TAF4: variants seen among roughly 807,000 people sequenced by gnomAD.
TAF4 encodes the protein transcription initiation factor TFIID subunit 4.
In TAF4, 9 loss-of-function variants were observed where a neutral mutation model predicts 90.3. The ratio of observed to expected loss-of-function variants is 0.10; its 90% CI spans 0.06 to 0.17. The LOEUF is 0.17. Ranked by LOEUF, TAF4 falls within the 10% of genes least tolerant of loss-of-function variation. The pLI, the probability that TAF4 is intolerant of heterozygous loss-of-function variation, is 1.00. For synonymous variants in TAF4, 818 were observed against 638.9 expected (o/e 1.28, Z -4.23); for missense variants, 1,351 against 1,370.7 (o/e 0.99, Z 0.23).
chr20:62,031,368 G>C (rs1358158813), intron 1 of TAF4, among the ~76,000 whole-genome samples: 1 of 152,208 alleles, frequency 6.6e-6, no homozygotes, highest in Non-Finnish European at 1.5e-5. Context: ...GCTGGGCCCA[G>C]GGTGCCTTCT....
Position 62,010,499 on chromosome 20 carries a change from T to C in TAF4, c.1642-334A>G, listed in dbSNP as rs534778623. 6.6e-6 allele frequency among the ~76,000 whole-genome samples: 1 copy of C among 152,134 alleles called. No homozygotes were observed. The highest frequency in any genetic ancestry group is 2.4e-5 in the African/African-American group (1 of 41,514). ...ACATAGAGACCAGAGTAAATAATCC[T>C]AACAGGCAACCCAGATCCCCATCTC... On this transcript the variant is annotated intron_variant, in intron 3 of 14. Coordinates refer to ENST00000252996, the MANE Select transcript of TAF4 (RefSeq NM_003185.4). The surrounding 1 kb of genome is among the most constrained non-coding windows in gnomAD (Gnocchi z 4.5).
At chr20:62,032,968 C>T (rs1372993895) in intron 1 of TAF4, among the ~76,000 whole-genome samples, 1 of 152,242 alleles carries the variant, frequency 6.6e-6, no homozygotes, top group South Asian at 2.1e-4. Flanking sequence ...ATCTGAGCAC[C>T]GAGACTGGCT....
chr20:62,053,569 G>A (rs954629448), intron 1 of TAF4, among the ~76,000 whole-genome samples: 8 of 152,176 alleles, frequency 5.3e-5, no homozygotes, highest in Admixed American at 2.0e-4. Context: ...CCTCACCTCC[G>A]CCCGTCCACG....
intron 14 of TAF4, among the ~76,000 whole-genome samples, chr20:61,992,827 G>A (rs556611310): frequency 1.3e-5 from 2 of 152,268 alleles, no homozygotes; most frequent in South Asian, 2.1e-4. Context: ...ACGTCCCAGC[G>A]TGACTCAGGA....
intron 1 of TAF4, among the ~76,000 whole-genome samples, chr20:62,054,145 T>C (rs2056047122): frequency 6.6e-6 from 1 of 152,218 alleles, no homozygotes; most frequent in South Asian, 2.1e-4. Context: ...TGTGCTTTAG[T>C]GGTTTTAAGT....
chr20:62,059,326 A>G (rs928538344), intron 1 of TAF4, among the ~76,000 whole-genome samples: 1 of 152,236 alleles, frequency 6.6e-6, no homozygotes, highest in Non-Finnish European at 1.5e-5. Context: ...AAAGCTGTAC[A>G]TCTTTGGTGC....
At chr20:62,042,493 G>C (rs994208591) in intron 1 of TAF4, among the ~76,000 whole-genome samples, 13 of 152,214 alleles carry the variant, frequency 8.5e-5, no homozygotes, top group Non-Finnish European at 1.3e-4. Context: ...TTAACACTTA[G>C]CCATCTGAGA....
At chr20:62,015,672 C>G (rs2055808324) in intron 1 of TAF4, among the ~76,000 whole-genome samples, 1 of 152,186 alleles carries the variant, frequency 6.6e-6, no homozygotes, top group African/African-American at 2.4e-5. Flanking sequence ...CCCAGCCTCT[C>G]CTTCCTCCCC....
intron 1 of TAF4, chr20:62,064,160 C>A: frequency 2.9e-6 from 1 of 349,222 alleles, no homozygotes; most frequent in African/African-American, 2.1e-5. Flanking sequence ...GACCACTCCA[C>A]TAAGAGTCCT....
intron 11 of TAF4, 68 bp downstream of exon 11, chr20:62,000,056 G>A (rs1240892529): frequency 3.1e-6 from 5 of 1,609,446 alleles, no homozygotes; most frequent in Admixed American, 1.7e-5. Context: ...GTGGGGAGGA[G>A]GCTCCCAGCC....
At chr20:61,986,265 A>C (rs1242838163) in intron 14 of TAF4, among the ~76,000 whole-genome samples, 2 of 111,698 alleles carry the variant, frequency 1.8e-5, no homozygotes, top group Non-Finnish European at 3.7e-5. Context: ...CACCATCCCC[A>C]ACCAAAGGAA....
intron 9 of TAF4, 31 bp downstream of exon 9, chr20:62,003,129 C>A (rs1337636125): frequency 6.3e-7 from 1 of 1,585,358 alleles, no homozygotes; most frequent in Non-Finnish European, 8.7e-7. Flanking sequence ...TCTGGCCACG[C>A]TTCTCCAACG....
At chr20:62,025,709 T>C (rs1215266025) in intron 1 of TAF4, among the ~76,000 whole-genome samples, 2 of 152,222 alleles carry the variant, frequency 1.3e-5, no homozygotes, top group African/African-American at 4.8e-5. Context: ...CCTCTTTCCT[T>C]TATAAGTCAC....
intron 14 of TAF4, among the ~76,000 whole-genome samples, chr20:61,987,153 C>T (rs1242894717): frequency 1.3e-5 from 2 of 152,206 alleles, no homozygotes; most frequent in Non-Finnish European, 2.9e-5. Context: ...GCCAGCCGGC[C>T]CGCGGCATTC....
intron 14 of TAF4, among the ~76,000 whole-genome samples, chr20:61,984,839 G>A (rs185155955): frequency 6.3e-5 from 9 of 141,836 alleles, no homozygotes; most frequent in East Asian, 4.3e-4. Context: ...GAGTAGAAAC[G>A]GGATGCAAAA....
Position 62,065,224 on chromosome 20 carries a change from T to A in TAF4, c.587A>T (p.Gln196Leu). Residue 196 changes from glutamine to leucine, a missense_variant, in exon 1 of 15, where the codon CAA becomes CTA. Gln to Leu is a moderately radical substitution (Grantham distance 113). Coordinates refer to ENST00000252996, the MANE Select transcript of TAF4 (RefSeq NM_003185.4). Reference protein sequence around the residue: ...PGKPAGPGAAQTLNGSAALLN... With the variant: ...PGKPAGPGAALTLNGSAALLN... The stretch of plus-strand genomic sequence containing the variant: ...CAGCGCGGCGCTCCCATTCAAAGTT[T>A]GCGCGGCGCCGGGGCCGGCGGGCTT... 8.9e-7 allele frequency: 1 copy of A among 1,129,248 alleles called. No individual in the cohort carries two copies. Among genetic ancestry groups the A allele is most frequent in the Non-Finnish European group, 1.1e-6 (1 of 908,910 alleles). The allele number at this position is 1,129,248 out of a possible 1,614,324, so 70.0% of individuals were successfully genotyped here. A position where few individuals can be genotyped will look rare whatever the true frequency, so the allele number is the denominator to read the frequency against.
Position 62,000,601 on chromosome 20 carries a change from A to G in TAF4, c.2607T>C (p.Asp869=), listed in dbSNP as rs535404987. ...LVGTLTRSCK[D]ETFLLQAPLQ... ...AAGGCGCTTGGAGGAGGAAGGTTTCATCTTTACAGGACCGCGTTAGCGTGC... is the reference window on the plus strand; with the variant it reads ...AAGGCGCTTGGAGGAGGAAGGTTTCGTCTTTACAGGACCGCGTTAGCGTGC... The change falls in exon 10 of 15, where the codon GAT becomes GAC. Residue 869 remains aspartate, a synonymous_variant. Transcript: ENST00000252996. 6.2e-7 allele frequency: 1 copy of G among 1,614,248 alleles called. No homozygotes were observed.
intron 1 of TAF4, among the ~76,000 whole-genome samples, chr20:62,053,418 C>T (rs1031993046): frequency 6.6e-6 from 1 of 152,212 alleles, no homozygotes; most frequent in African/African-American, 2.4e-5. Flanking sequence ...CTAAGCAGCT[C>T]CATTAAGTGC....
chr20:62,042,506 G>A (rs2055969334), intron 1 of TAF4, among the ~76,000 whole-genome samples: 1 of 152,194 alleles, frequency 6.6e-6, no homozygotes, highest in Non-Finnish European at 1.5e-5. Context: ...ATCTGAGAAT[G>A]GCAACTGCTA....
Sources: gnomAD v4.1 joint callset for allele counts (sites outside exome capture counted in the v4.1 genomes callset) on GRCh38, gnomAD v4.1.1 for gene constraint, Gnocchi (gnomAD v3.1) non-coding constraint, MANE v1.5 for transcripts, NCBI Gene and HGNC (gene_info 2026-07-23, HGNC 2026-07-21) for gene names.